MED22: variants seen among roughly 807,000 people sequenced by gnomAD.
The protein encoded by MED22 is mediator complex subunit 22.
Under a neutral mutation model 22.7 loss-of-function variants are expected in MED22, and 22 were observed. The ratio of observed to expected loss-of-function variants is 0.97; its 90% CI spans 0.69 to 1.38. The LOEUF (loss-of-function observed/expected upper bound fraction) is 1.38. MED22 is among the 40% of genes most tolerant of loss of function. The probability of loss-of-function intolerance (pLI) is 0.00; values close to 1 mark genes in which losing one functional copy is unlikely to be tolerated. For missense variants in MED22, 247 were observed against 263.0 expected (o/e 0.94, Z 0.42); for synonymous variants, 134 against 119.4 (o/e 1.12, Z -0.80).
In MED22 at chr9:133,339,242, C is replaced by A; in HGVS notation, c.*2263G>T. 1 of 690,612 alleles carries A rather than the reference C, an allele frequency of 1.4e-6. No homozygotes were observed. The highest frequency in any genetic ancestry group is 2.7e-6 in the Non-Finnish European group (1 of 371,514). The allele number at this position is 690,612 out of a possible 1,614,324, so 42.8% of individuals were successfully genotyped here. On this transcript the variant is annotated 3_prime_UTR_variant, in exon 5 of 5. Coordinates refer to ENST00000343730, the MANE Select transcript of MED22 (RefSeq NM_133640.5). ...AAACAAGTAAGGGCAAGATTCTTGC[C>A]AAGAGAATGAATGTGCATATTCAGC... is the stretch of plus-strand genomic sequence containing the variant.
At chr9:133,342,579 G>A (rs2129954027) in intron 4 of MED22, 10 of 986,222 alleles carry the variant, frequency 1.0e-5, no homozygotes, top group Middle Eastern at 5.1e-4. Flanking sequence ...GGAGCGGAGC[G>A]CCCTTTGGGG....
Position 133,344,236 on chromosome 9 carries a change from C to T in MED22, c.302G>A (p.Arg101His), listed in dbSNP as rs2129960759. ...CTGCAGTGTGCGCAGCTGCTGGTTG[C>T]GCTGGTCAATGGCCTCGTTCACGGA... The part of the protein sequence containing the change: ...FPSVNEAIDQ[R>H]NQQLRTLQEE... Residue 101 changes from arginine (R) to histidine (H), a missense_variant, in exon 4 of 5, where the codon CGC becomes CAC. Arg to His is a conservative substitution (Grantham distance 29). Coordinates refer to ENST00000343730, the MANE Select transcript of MED22 (RefSeq NM_133640.5). 36 of 1,614,102 alleles carry T rather than the reference C, an allele frequency of 2.2e-5. No individual in the cohort carries two copies. The highest frequency in any genetic ancestry group is 5.3e-5 in the African/African-American group (4 of 74,934).
In MED22 at chr9:133,341,310, G is replaced by A; in HGVS notation, c.*195C>T. The A allele has an allele frequency of 2.0e-6, 1 of 497,700 alleles. No homozygotes were observed. The highest frequency in any genetic ancestry group is 3.5e-5 in the East Asian group (1 of 28,192). The allele number at this position is 497,700 out of a possible 1,614,324, so 30.8% of individuals were successfully genotyped here. A position where few individuals can be genotyped will look rare whatever the true frequency, so the allele number is the denominator to read the frequency against. On this transcript the variant is annotated 3_prime_UTR_variant, in exon 5 of 5. Coordinates refer to ENST00000343730, the MANE Select transcript of MED22 (RefSeq NM_133640.5). ...CGGAATGATGGGCTATTCGGAAATG[G>A]CTAGGGAAACAACTGTTTCCCTACT...
chr9:133,345,312 C>T (rs2129964916), intron 2 of MED22, 60 bp from the exon 3 acceptor site: 33 of 1,522,974 alleles, frequency 2.2e-5, no homozygotes, highest in African/African-American at 5.5e-5. Flanking sequence ...ACCCCTGGCC[C>T]GGCCCAGCCC....
At chr9:133,346,214 C>T (rs1435092769) in intron 2 of MED22, among the ~76,000 whole-genome samples, 1 of 152,184 alleles carries the variant, frequency 6.6e-6, no homozygotes, top group Admixed American at 6.5e-5. Context: ...CCCCACTTCT[C>T]CCCTCAGTCT....
Position 133,342,746 on chromosome 9 carries a change from C to G in MED22, c.414-1052G>C, listed in dbSNP as rs932537919. The G allele has an allele frequency of 5.1e-6, 5 of 985,756 alleles. No homozygotes were observed. The South Asian group carries it at 1.4e-4, about 28-fold the overall frequency. 61.1% of individuals were successfully genotyped at this position (985,756 alleles called of 1,614,324 possible). A position where few individuals can be genotyped will look rare whatever the true frequency, so the allele number is the denominator to read the frequency against. On this transcript the variant is annotated intron_variant, in intron 4 of 4. Transcript: ENST00000343730. ...CCTGCGGGAGGGGACACAGGCTGGC[C>G]TGGAAGCCCCGCTGGGTGAAGCTGA...
intron 2 of MED22, among the ~76,000 whole-genome samples, chr9:133,346,031 C>T (rs1417117121): frequency 6.6e-6 from 1 of 152,238 alleles, no homozygotes; most frequent in African/African-American, 2.4e-5. Flanking sequence ...TGGCTTGATA[C>T]ATGGCAAGCA....
Position 133,338,709 on chromosome 9 carries a change from T to TTGCACTTTGGGAGTTGCACGCCTGCACA in MED22, c.*2795_*2796insTGTGCAGGCGTGCAACTCCCAAAGTGCA. 3.4e-6 allele frequency: 1 copy of TTGCACTTTGGGAGTTGCACGCCTGCACA among 294,156 alleles called. No individual in the cohort carries two copies. The highest frequency in any genetic ancestry group is 8.4e-5 in the East Asian group (1 of 11,890). The allele number at this position is 294,156 out of a possible 1,614,324, so 18.2% of individuals were successfully genotyped here. On this transcript the variant is annotated 3_prime_UTR_variant, in exon 5 of 5. Transcript: ENST00000343730. ...CGCCCGCCTTGGCCTCCCAAAGTGC[T>TTGCACTTTGGGAGTTGCACGCCTGCACA]GGGGTTGCAGGCGTAAGCCACCGCG... is the stretch of plus-strand genomic sequence containing the variant.
chr9:133,343,839 G>A (rs1042914104), intron 4 of MED22: 11 of 1,411,840 alleles, frequency 7.8e-6, no homozygotes, highest in South Asian at 1.7e-5. Context: ...GGGCCTGCGG[G>A]GGATACAGCC....
chr9:133,341,287 G>T lies in MED22; in HGVS notation c.*218C>A, dbSNP rs1289930074. ...GGCAGCAAACAGAGATGATGACTCG[G>T]AATGATGGGCTATTCGGAAATGGCT... On this transcript the variant is annotated 3_prime_UTR_variant, in exon 5 of 5. Transcript: ENST00000343730. The T allele has an allele frequency of 8.7e-6, 4 of 461,718 alleles. No individual in the cohort carries two copies. Among genetic ancestry groups the T allele is most frequent in the African/African-American group, 2.0e-5 (1 of 49,024 alleles). 28.6% of individuals were successfully genotyped at this position (461,718 alleles called of 1,614,324 possible). A position where few individuals can be genotyped will look rare whatever the true frequency, so the allele number is the denominator to read the frequency against.
rs2129948699 is a variant in MED22 at position 133,341,509 on chromosome 9, G to A, written c.599C>T (p.Ala200Val). 2 of 1,510,838 alleles carry A rather than the reference G, an allele frequency of 1.3e-6. No individual in the cohort carries two copies. The highest frequency in any genetic ancestry group is 2.6e-5 in the East Asian group (1 of 38,268). 93.6% of individuals were successfully genotyped at this position (1,510,838 alleles called of 1,614,324 possible). ...ACGAAGCGTGGCCCCGGAGGCTCAGGCGTGCTCAGTGGGGCCAGGGCCACC... is the reference window on the plus strand; with the variant it reads ...ACGAAGCGTGGCCCCGGAGGCTCAGACGTGCTCAGTGGGGCCAGGGCCACC... Reference protein sequence around the residue: ...HAGGPGPTEHA With the variant: ...HAGGPGPTEHV Residue 200 changes from alanine (A) to valine (V), a missense_variant, in exon 5 of 5, where the codon GCC becomes GTC. By Grantham distance (64) the Ala-to-Val change is moderately conservative. Coordinates refer to ENST00000343730, the MANE Select transcript of MED22 (RefSeq NM_133640.5).
chr9:133,343,981 C>T (rs2129958785), intron 4 of MED22, 144 bp downstream of exon 4: 118 of 1,479,602 alleles, frequency 8.0e-5, no homozygotes, highest in Non-Finnish European at 1.0e-4. Context: ...AACGCTCTGG[C>T]CAGGAGCTCT....
chr9:133,344,817 A>G (rs1836135198), intron 3 of MED22, among the ~76,000 whole-genome samples: 1 of 152,112 alleles, frequency 6.6e-6, no homozygotes, highest in African/African-American at 2.4e-5. Flanking sequence ...CTACAGTTCC[A>G]TTCGGCTGTT....
chr9:133,341,834 C>A (rs1836015107), intron 4 of MED22, 140 bp from the exon 5 acceptor site: 3 of 1,414,874 alleles, frequency 2.1e-6, no homozygotes, highest in Admixed American at 7.2e-5. Flanking sequence ...CACTCCTGCT[C>A]CATCTGTCCC....
rs2129959590 is a variant in MED22, at chr9:133,344,131, G to A, written c.407C>T (p.Ser136Leu). 3 of 1,614,140 alleles carry A rather than the reference G, an allele frequency of 1.9e-6. No homozygotes were observed. Among genetic ancestry groups the A allele is most frequent in the Admixed American group, 1.7e-5 (1 of 60,028 alleles). Residue 136 changes from serine (S) to leucine (L), a missense_variant, in exon 4 of 5, where the codon TCG becomes TTG. Coordinates refer to ENST00000343730, the MANE Select transcript of MED22 (RefSeq NM_133640.5). Reference protein sequence around the residue: ...DLYELEEEYYSSSSSLCEAND... With the variant: ...DLYELEEEYYLSSSSLCEAND... Reference sequence around the variant, plus strand: ...AGTCCAGCGCTATTTATACCTGGACGAGTAATACTCCTCCTCCAGCTCGTA... The same window carrying A: ...AGTCCAGCGCTATTTATACCTGGACAAGTAATACTCCTCCTCCAGCTCGTA...
At position 133,348,033 on chromosome 9, in the gene MED22, TC is replaced by T. The variant is rs1002249886; in HGVS notation, c.-151del. On this transcript the variant is annotated 5_prime_UTR_variant, in exon 1 of 5. Transcript: ENST00000343730. ...CCGCGTCTCTCCCACGGCCTGGCCC[TC>T]CCGCCGCAGTCTCTCTTCCCCGCCG... 1.9e-4 allele frequency: 132 copies of T among 678,202 alleles called. No individual in the cohort carries two copies. The highest frequency in any genetic ancestry group is 3.3e-4 in the Middle Eastern group (1 of 3,030). The allele number at this position is 678,202 out of a possible 1,614,324, so 42.0% of individuals were successfully genotyped here. A position where few individuals can be genotyped will look rare whatever the true frequency, so the allele number is the denominator to read the frequency against.
intron 4 of MED22, chr9:133,341,906 A>G (rs2119057419): frequency 2.2e-6 from 3 of 1,345,496 alleles, no homozygotes; most frequent in East Asian, 6.6e-5. Flanking sequence ...AGCATTCTGA[A>G]AGGAGGAAGC....
In MED22 at chr9:133,342,049, G is replaced by A. The variant is rs188450372; in HGVS notation, c.414-355C>T. The A allele has an allele frequency of 3.8e-5, 42 of 1,104,508 alleles. No individual in the cohort carries two copies. In the African/African-American group the frequency reaches 6.3e-4, roughly 17 times the overall value. The allele number at this position is 1,104,508 out of a possible 1,614,324, so 68.4% of individuals were successfully genotyped here. On this transcript the variant is annotated intron_variant, in intron 4 of 4. Coordinates refer to ENST00000343730, the MANE Select transcript of MED22 (RefSeq NM_133640.5). ...TCCTCTTGCAAAAAGCTGTCAGCCT[G>A]GCCACCCTCCCTCCTCCCTGACTGC...
chr9:133,343,868 G>T (rs1220312506), intron 4 of MED22: 4 of 1,419,064 alleles, frequency 2.8e-6, no homozygotes, highest in Non-Finnish European at 3.7e-6. Flanking sequence ...CCCTTCTCCA[G>T]ACTCGGCCTA....
Sources: gnomAD v4.1 joint callset for allele counts (sites outside exome capture counted in the v4.1 genomes callset) on GRCh38, gnomAD v4.1.1 for gene constraint, MANE v1.5 for transcripts, NCBI Gene and HGNC (gene_info 2026-07-23, HGNC 2026-07-21) for gene names.